Variants in SKP2 observed in about 807,000 individuals in gnomAD.
SKP2 encodes the protein S-phase kinase-associated protein 2.
In SKP2, 16 loss-of-function variants were observed where a neutral mutation model predicts 51.8. The ratio of observed to expected loss-of-function variants is 0.31; its 90% CI spans 0.21 to 0.47. SKP2 has a LOEUF of 0.47. SKP2 is among the 20% of genes least tolerant of loss of function. The pLI is 1.00. For synonymous variants in SKP2, 176 were observed against 198.6 expected (o/e 0.89, Z 0.96); for missense variants, 377 against 505.3 (o/e 0.75, Z 2.43).
intron 2 of SKP2, among the ~76,000 whole-genome samples, chr5:36,157,034 C>G (rs1744972959): frequency 6.6e-6 from 1 of 152,010 alleles, no homozygotes; most frequent in Non-Finnish European, 1.5e-5. Flanking sequence ...ATTTTCTATT[C>G]TGTTCTAGTT....
rs1450607925 is a variant in SKP2, at chr5:36,182,235, T to C, written c.*204T>C. 7.3e-7 allele frequency: 1 copy of C among 1,361,956 alleles called. No individual in the cohort carries two copies. Among genetic ancestry groups the C allele is most frequent in the African/African-American group, 1.5e-5 (1 of 68,810 alleles). The allele number at this position is 1,361,956 out of a possible 1,614,324, so 84.4% of individuals were successfully genotyped here. ...AAAGCTTCTATCACTGCTTTGCTCT[T>C]AAGAGCCAAAGTTGTAGGCCTTTTG... On this transcript the variant is annotated 3_prime_UTR_variant, in exon 10 of 10. Transcript: ENST00000274255.
chr5:36,178,209 C>T (rs551107068), intron 9 of SKP2, among the ~76,000 whole-genome samples: 3 of 152,270 alleles, frequency 2.0e-5, no homozygotes, highest in South Asian at 2.1e-4. Flanking sequence ...GTCTTGAATG[C>T]GGCTGCTGGA....
At position 36,181,956 on chromosome 5, in the gene SKP2, T is replaced by C. The variant is rs1745824245; in HGVS notation, c.1200T>C (p.Thr400=). 1.2e-6 allele frequency: 2 copies of C among 1,613,986 alleles called. No homozygotes were observed. The highest frequency in any genetic ancestry group is 2.2e-5 in the East Asian group (1 of 44,888). Residue 400 remains threonine, a synonymous_variant, in exon 10 of 10, where the codon ACT becomes ACC. Transcript: ENST00000274255. ...CSHFTTIARP[T]IGNKKNQEIW... ...ATTTCACCACCATTGCCAGGCCAACTATTGGCAACAAAAAGAACCAGGAGA... is the reference window on the plus strand; with the variant it reads ...ATTTCACCACCATTGCCAGGCCAACCATTGGCAACAAAAAGAACCAGGAGA...
chr5:36,185,600 C>T (rs1359808501), downstream of SKP2, among the ~76,000 whole-genome samples: 2 of 152,092 alleles, frequency 1.3e-5, no homozygotes, highest in South Asian at 2.1e-4. Context: ...CCGTTCTGTT[C>T]CATTGATCTA....
chr5:36,170,641 G>T (rs1745440809), intron 6 of SKP2, among the ~76,000 whole-genome samples, 199 bp downstream of exon 6: 2 of 152,178 alleles, frequency 1.3e-5, no homozygotes, highest in African/African-American at 4.8e-5. Context: ...AGTGATACTT[G>T]TATAGTGATC....
chr5:36,163,411 T>A (rs903584738), intron 2 of SKP2, among the ~76,000 whole-genome samples: 3 of 152,142 alleles, frequency 2.0e-5, no homozygotes, highest in Non-Finnish European at 4.4e-5. Context: ...TCAGGGTACA[T>A]AGATGATGGA....
At position 36,183,835 on chromosome 5, in the gene SKP2, T is replaced by C. The variant is rs1481764649; in HGVS notation, c.*1804T>C. 5.7e-6 allele frequency: 9 copies of C among 1,588,224 alleles called. No homozygotes were observed. In the South Asian group the frequency reaches 1.0e-4, roughly 19 times the overall value. On this transcript the variant is annotated 3_prime_UTR_variant, in exon 10 of 10. Transcript: ENST00000274255. ...CTAAATACTACTTGAAATTATTGTTTACAGATTAGTGACAAGAGCTGGGGT... is the reference window on the plus strand; with the variant it reads ...CTAAATACTACTTGAAATTATTGTTCACAGATTAGTGACAAGAGCTGGGGT...
chr5:36,162,461 C>A (rs1295410425), intron 2 of SKP2, among the ~76,000 whole-genome samples: 1 of 152,164 alleles, frequency 6.6e-6, no homozygotes, highest in African/African-American at 2.4e-5. Context: ...CTGTTCTCTC[C>A]CTTGCCCTGT....
chr5:36,175,587 T>A (rs930882509), intron 7 of SKP2, among the ~76,000 whole-genome samples: 8 of 152,110 alleles, frequency 5.3e-5, no homozygotes, highest in Non-Finnish European at 1.0e-4. Context: ...ATACTGCAGT[T>A]AACATTTTGG....
chr5:36,169,869 A>C (rs1335714471), intron 5 of SKP2, among the ~76,000 whole-genome samples: 1 of 152,172 alleles, frequency 6.6e-6, no homozygotes, highest in Non-Finnish European at 1.5e-5. Flanking sequence ...AATATTCCAG[A>C]ATTCTTACTC....
At chr5:36,172,129 AT>A (rs1048211918) in intron 7 of SKP2, among the ~76,000 whole-genome samples, 67 of 152,308 alleles carry the variant, frequency 4.4e-4, no homozygotes, top group African/African-American at 1.5e-3. Context: ...GTCTGGAGAC[AT>A]TTTTTATTGT....
intron 9 of SKP2, among the ~76,000 whole-genome samples, chr5:36,180,638 G>C (rs1745776659): frequency 6.6e-6 from 1 of 152,138 alleles, no homozygotes; most frequent in South Asian, 2.1e-4. Context: ...GAACAGCCTG[G>C]GTTCTGTAAA....
At chr5:36,154,099 A>G (rs1343924241) in intron 2 of SKP2, among the ~76,000 whole-genome samples, 1 of 152,194 alleles carries the variant, frequency 6.6e-6, no homozygotes, top group Non-Finnish European at 1.5e-5. Flanking sequence ...TTTATATAGT[A>G]TGTTAGAAGG....
At chr5:36,158,991 T>C (rs1745040209) in intron 2 of SKP2, among the ~76,000 whole-genome samples, 2 of 152,118 alleles carry the variant, frequency 1.3e-5, no homozygotes, top group Non-Finnish European at 2.9e-5. Flanking sequence ...TAATAAAGAA[T>C]TAGCACATTC....
intron 7 of SKP2, chr5:36,193,301 C>CCCAT (rs1746088265): frequency 6.6e-6 from 1 of 151,676 alleles, no homozygotes; most frequent in South Asian, 2.1e-4. Flanking sequence ...ATGGTGAATC[C>CCCAT]CCATATCTAC....
chr5:36,189,386 G>C (rs554917922), intron 6 of SKP2, among the ~76,000 whole-genome samples: 1 of 152,254 alleles, frequency 6.6e-6, no homozygotes, highest in East Asian at 1.9e-4. Flanking sequence ...TGATGGTGAC[G>C]TACAGATGGG....
At position 36,182,465 on chromosome 5, in the gene SKP2, T is replaced by C; in HGVS notation, c.*434T>C. On this transcript the variant is annotated 3_prime_UTR_variant, in exon 10 of 10. Transcript: ENST00000274255. ...AAGACAGCTTAGAAGAACAATAAGC[T>C]ATTTGTATTATGAGCTGAACAAAAA... The C allele has an allele frequency of 2.0e-6, 2 of 990,006 alleles. No individual in the cohort carries two copies. The highest frequency in any genetic ancestry group is 2.4e-6 in the Non-Finnish European group (2 of 832,292). 61.3% of individuals were successfully genotyped at this position (990,006 alleles called of 1,614,324 possible). A position where few individuals can be genotyped will look rare whatever the true frequency, so the allele number is the denominator to read the frequency against.
intron 7 of SKP2, 60 bp from the exon 8 acceptor site, chr5:36,176,905 A>G (rs1404888857): frequency 1.2e-5 from 14 of 1,126,484 alleles, no homozygotes; most frequent in Non-Finnish European, 1.7e-5. Flanking sequence ...TAGTGATAAC[A>G]AATATCCTTG....
At chr5:36,162,329 A>G (rs1745148212) in intron 2 of SKP2, among the ~76,000 whole-genome samples, 1 of 152,158 alleles carries the variant, frequency 6.6e-6, no homozygotes, top group Non-Finnish European at 1.5e-5. Context: ...TAGAACACGT[A>G]CACCAGATAC....
Sources: gnomAD v4.1 joint callset for allele counts (sites outside exome capture counted in the v4.1 genomes callset) on GRCh38, gnomAD v4.1.1 for gene constraint, MANE v1.5 for transcripts, NCBI Gene and HGNC (gene_info 2026-07-23, HGNC 2026-07-21) for gene names.